CDH12: variants seen among roughly 807,000 people sequenced by gnomAD.
CDH12 encodes the protein cadherin 12.
A neutral mutation model predicts 74.1 loss-of-function variants in CDH12; 41 were observed. That is an observed-to-expected ratio of 0.55 (90% CI 0.43 to 0.72). The LOEUF (loss-of-function observed/expected upper bound fraction) is 0.72. CDH12 is among the 30% of genes least tolerant of loss of function. CDH12 has a pLI of 0.00. For missense variants in CDH12, 945 were observed against 977.2 expected (o/e 0.97, Z 0.44); for synonymous variants, 399 against 355.0 (o/e 1.12, Z -1.39).
chr5:22,737,479 C>T (rs1001182075), intron 1 of CDH12, among the ~76,000 whole-genome samples: 1 of 151,746 alleles, frequency 6.6e-6, no homozygotes, highest in Non-Finnish European at 1.5e-5. Flanking sequence ...TGTAATTAAT[C>T]ACCAAACGAG....
At chr5:21,948,868 C>G (rs1483567043) in intron 6 of CDH12, among the ~76,000 whole-genome samples, 2 of 152,034 alleles carry the variant, frequency 1.3e-5, no homozygotes, top group African/African-American at 4.8e-5. Context: ...TGAGTGAGTT[C>G]TCAGGAGATC....
chr5:22,269,338 C>A (rs1442096015), intron 3 of CDH12, among the ~76,000 whole-genome samples: 1 of 152,086 alleles, frequency 6.6e-6, no homozygotes, highest in South Asian at 2.1e-4. Context: ...GTAGCTATAT[C>A]TCCCCCACTT....
intron 2 of CDH12, among the ~76,000 whole-genome samples, chr5:22,492,520 T>C (rs1746920246): frequency 3.3e-5 from 5 of 151,982 alleles, no homozygotes. Context: ...GCTAATTTTG[T>C]ATTTTTAGTA....
intron 4 of CDH12, among the ~76,000 whole-genome samples, chr5:22,141,698 G>T (rs1418191308): frequency 2.0e-5 from 3 of 152,116 alleles, no homozygotes; most frequent in Admixed American, 2.0e-4. Flanking sequence ...AAACAGAATA[G>T]AATTGAAAAA....
chr5:22,824,891 T>G (rs1362022063), intron 1 of CDH12, among the ~76,000 whole-genome samples: 1 of 151,714 alleles, frequency 6.6e-6, no homozygotes. Flanking sequence ...ATATATATGT[T>G]TGTCCAAAAT....
chr5:22,050,340 T>C (rs576487795), intron 5 of CDH12, among the ~76,000 whole-genome samples: 326 of 152,274 alleles, frequency 2.1e-3, no homozygotes, highest in Non-Finnish European at 3.5e-3. Context: ...ATCTAAGTTT[T>C]CATAATAACA....
At chr5:21,898,823 T>C (rs1355268852) in intron 6 of CDH12, among the ~76,000 whole-genome samples, 1 of 152,100 alleles carries the variant, frequency 6.6e-6, no homozygotes, top group Non-Finnish European at 1.5e-5. Context: ...AATGGAGAGA[T>C]GTAATCATGA....
At chr5:22,775,073 A>C (rs1747022290) in intron 1 of CDH12, among the ~76,000 whole-genome samples, 1 of 151,504 alleles carries the variant, frequency 6.6e-6, no homozygotes, top group South Asian at 2.1e-4. Flanking sequence ...ATTAGAATAT[A>C]TATATTATAT....
intron 1 of CDH12, among the ~76,000 whole-genome samples, chr5:22,797,603 T>C (rs1166772886): frequency 6.6e-6 from 1 of 152,156 alleles, no homozygotes; most frequent in African/African-American, 2.4e-5. Flanking sequence ...CAATAGATAT[T>C]TGTCAGTAAC....
intron 4 of CDH12, among the ~76,000 whole-genome samples, chr5:22,081,394 G>A (rs1404421693): frequency 6.6e-6 from 1 of 152,030 alleles, no homozygotes; most frequent in Non-Finnish European, 1.5e-5. Flanking sequence ...AACCTCCAAG[G>A]TGTATTAATT....
At chr5:22,183,935 A>C (rs1327963274) in intron 4 of CDH12, among the ~76,000 whole-genome samples, 1 of 152,178 alleles carries the variant, frequency 6.6e-6, no homozygotes, top group Non-Finnish European at 1.5e-5. Context: ...TAACTAGAGT[A>C]GAGTCATTAA....
intron 1 of CDH12, among the ~76,000 whole-genome samples, chr5:22,535,848 G>A (rs1313450502): frequency 6.6e-6 from 1 of 152,152 alleles, no homozygotes; most frequent in East Asian, 1.9e-4. Flanking sequence ...CATGGGCTCT[G>A]CATTCTTGGA....
rs148394143 is a variant in CDH12 at position 22,784,000 on chromosome 5, G to A, written c.-523+69058C>T. Among the ~76,000 whole-genome samples, 344 of 152,136 alleles carry A rather than the reference G, an allele frequency of 2.3e-3. 1 individual carries two copies. Among genetic ancestry groups the A allele is most frequent in the African/African-American group, 8.0e-3 (333 of 41,512 alleles). Reference sequence around the variant, plus strand: ...TATATTTATGCCTCACTCACTGGAAGAGTGTCTCTCATATTTTTTGTGTTG... The same window carrying A: ...TATATTTATGCCTCACTCACTGGAAAAGTGTCTCTCATATTTTTTGTGTTG... On this transcript the variant is annotated intron_variant, in intron 1 of 14. Transcript: ENST00000382254.
chr5:21,778,466 C>CAAAAAAAAAAAAAAAAAA (rs70957061), intron 11 of CDH12, among the ~76,000 whole-genome samples: 2 of 52,614 alleles, frequency 3.8e-5, no homozygotes, highest in Non-Finnish European at 6.3e-5. Context: ...GCATATAAGC[C>CAAAAAAAAAAAAAAAAAA]AAAAAAAAAA....
intron 9 of CDH12, among the ~76,000 whole-genome samples, chr5:21,803,382 G>A (rs72739950): frequency 0.045 from 6,751 of 151,600 alleles, 178 homozygotes; most frequent in South Asian, 0.092. Flanking sequence ...TTATGGGCGC[G>A]GTAACACATC....
rs1225111625 is a variant in CDH12, at chr5:21,751,677, GTTTC to G, written c.*56_*59del. 3.0e-6 allele frequency: 4 copies of G among 1,346,960 alleles called. No individual in the cohort carries two copies. The highest frequency in any genetic ancestry group is 4.1e-6 in the Non-Finnish European group (4 of 977,286). 83.4% of individuals were successfully genotyped at this position (1,346,960 alleles called of 1,614,324 possible). A position where few individuals can be genotyped will look rare whatever the true frequency, so the allele number is the denominator to read the frequency against. ...GAGAGAGATTTCTATTAATATTTGT[GTTTC>G]TTTTTCTTTTTTAAAAATCTCCCCT... On this transcript the variant is annotated 3_prime_UTR_variant, in exon 15 of 15. Coordinates refer to ENST00000382254, the MANE Select transcript of CDH12 (RefSeq NM_004061.5).
intron 3 of CDH12, among the ~76,000 whole-genome samples, chr5:22,369,712 A>G (rs1241005937): frequency 6.6e-6 from 1 of 152,184 alleles, no homozygotes; most frequent in Non-Finnish European, 1.5e-5. Flanking sequence ...AACACACAAA[A>G]TCTCAAGCAA....
rs1554034338 is a variant in CDH12, at chr5:22,355,522, A to AT, written c.-333+49734_-333+49735insA. ...AGATATATATATTTCCTTAAAAAAA[A>AT]AATATATATATATATATATAAAACT... is the stretch of plus-strand genomic sequence containing the variant. On this transcript the variant is annotated intron_variant, in intron 3 of 14. Coordinates refer to ENST00000382254, the MANE Select transcript of CDH12 (RefSeq NM_004061.5). 0.014 allele frequency among the ~76,000 whole-genome samples: 1,596 copies of AT among 110,840 alleles called. 71 individuals carry two copies. In the East Asian group the frequency reaches 0.18, roughly 13 times the overall value. 72.7% of individuals were successfully genotyped at this position (110,840 alleles called of 152,430 possible). A position where few individuals can be genotyped will look rare whatever the true frequency, so the allele number is the denominator to read the frequency against.
At chr5:21,928,395 C>T (rs186137668) in intron 6 of CDH12, among the ~76,000 whole-genome samples, 24 of 152,280 alleles carry the variant, frequency 1.6e-4, no homozygotes, top group Admixed American at 1.2e-3. Flanking sequence ...TGGAGGAAAG[C>T]AATGTTGTCA....
Sources: allele counts gnomAD v4.1 joint callset (sites outside exome capture counted in the v4.1 genomes callset), GRCh38; gene constraint gnomAD v4.1.1; transcripts MANE v1.5; gene names NCBI Gene and HGNC (gene_info 2026-07-23, HGNC 2026-07-21).